Variants in MAP2 observed in about 807,000 individuals in gnomAD.
The protein encoded by MAP2 is microtubule associated protein 2, also known as microtubule-associated protein 2.
A neutral mutation model predicts 137.6 loss-of-function variants in MAP2; 14 were observed. The observed-to-expected ratio is 0.10, with a 90% CI of 0.07 to 0.16. MAP2 has a LOEUF of 0.16. Among genes scored for constraint, MAP2 ranks in the 10% least tolerant of loss-of-function variants. The pLI is 1.00. For missense variants in MAP2, 2,088 were observed against 2,191.5 expected (o/e 0.95, Z 0.94); for synonymous variants, 786 against 782.3 (o/e 1.00, Z -0.08).
chr2:209,675,343 T>C (rs1028020145), intron 5 of MAP2, among the ~76,000 whole-genome samples: 8 of 151,884 alleles, frequency 5.3e-5, no homozygotes, highest in Non-Finnish European at 1.0e-4. Context: ...ATTCATTTTC[T>C]CTGAAACAAC....
At chr2:209,670,705 A>G (rs776856481) in intron 5 of MAP2, among the ~76,000 whole-genome samples, 3 of 151,950 alleles carry the variant, frequency 2.0e-5, no homozygotes, top group East Asian at 1.9e-4. Flanking sequence ...GAATTCTCCT[A>G]TGATTATACA....
At chr2:209,572,856 A>G (rs2074629307) in intron 2 of MAP2, among the ~76,000 whole-genome samples, 1 of 152,212 alleles carries the variant, frequency 6.6e-6, no homozygotes, top group Non-Finnish European at 1.5e-5. Context: ...AGTGATTTAC[A>G]TATATTTATC....
intron 12 of MAP2, among the ~76,000 whole-genome samples, chr2:209,705,958 ATAAAGTTAT>A (rs1362754445): frequency 6.6e-6 from 1 of 152,184 alleles, no homozygotes; most frequent in Non-Finnish European, 1.5e-5. Context: ...TAAGACTGAT[ATAAAGTTAT>A]TTCTCTAAGA....
Position 209,572,238 on chromosome 2 carries a change from G to A in MAP2, c.-171-7798G>A, listed in dbSNP as rs1258283632. Among the ~76,000 whole-genome samples the A allele has an allele frequency of 3.3e-5, 5 of 151,984 alleles. No individual in the cohort carries two copies. The East Asian group carries it at 7.7e-4, about 23-fold the overall frequency. The stretch of plus-strand genomic sequence containing the variant: ...TCTTACTCTTCACCCTACTTGGTTG[G>A]AATAAATTCATCCTTCTCATTGCAG... On this transcript the variant is annotated intron_variant, in intron 2 of 15. Coordinates refer to ENST00000682079, the MANE Select transcript of MAP2 (RefSeq NM_001375505.1).
intron 1 of MAP2, among the ~76,000 whole-genome samples, chr2:209,453,391 G>T (rs1700744479): frequency 6.6e-6 from 1 of 152,072 alleles, no homozygotes; most frequent in South Asian, 2.1e-4. Flanking sequence ...GTGTTAAAAA[G>T]AAAGTTTTTT....
At chr2:209,537,942 A>G (rs562859512) in intron 2 of MAP2, among the ~76,000 whole-genome samples, 1 of 152,320 alleles carries the variant, frequency 6.6e-6, no homozygotes, top group African/African-American at 2.4e-5. Flanking sequence ...ACCAAATACA[A>G]TGCATGTGAC....
chr2:209,460,407 C>G (rs1480931366), intron 1 of MAP2, among the ~76,000 whole-genome samples: 2 of 152,154 alleles, frequency 1.3e-5, no homozygotes, highest in Non-Finnish European at 2.9e-5. Flanking sequence ...AAGGTAGACA[C>G]TGGCCCTAGA....
At chr2:209,617,370 C>T (rs965662669) in intron 3 of MAP2, among the ~76,000 whole-genome samples, 34 of 152,228 alleles carry the variant, frequency 2.2e-4, no homozygotes, top group African/African-American at 7.9e-4. Flanking sequence ...CTTGCCAAAC[C>T]TACCTAATCA....
intron 1 of MAP2, among the ~76,000 whole-genome samples, chr2:209,488,847 G>A (rs1199611057): frequency 6.6e-6 from 1 of 152,170 alleles, no homozygotes; most frequent in East Asian, 1.9e-4. Flanking sequence ...GGAAAGGGGG[G>A]GATGTGGGTA....
At chr2:209,586,017 C>A (rs1369859923) in intron 3 of MAP2, among the ~76,000 whole-genome samples, 1 of 152,000 alleles carries the variant, frequency 6.6e-6, no homozygotes, top group Non-Finnish European at 1.5e-5. Flanking sequence ...GTTTTTTAGG[C>A]CTAGTTTTAA....
chr2:209,563,022 C>G (rs1449631623), intron 2 of MAP2, among the ~76,000 whole-genome samples: 1 of 152,132 alleles, frequency 6.6e-6, no homozygotes, highest in Non-Finnish European at 1.5e-5. Context: ...ATGCACATTA[C>G]TTATGTGAAT....
At chr2:209,707,669 A>C (rs2063893974) in intron 12 of MAP2, among the ~76,000 whole-genome samples, 1 of 152,220 alleles carries the variant, frequency 6.6e-6, no homozygotes, top group African/African-American at 2.4e-5. Flanking sequence ...TTCAGAACAA[A>C]TAAGAAACAT....
At chr2:209,692,279 A>G (rs1443712948) in intron 7 of MAP2, among the ~76,000 whole-genome samples, 6 of 151,630 alleles carry the variant, frequency 4.0e-5, no homozygotes, top group Non-Finnish European at 8.8e-5. Context: ...TTTTATGTAT[A>G]GAAGGCACAT....
intron 4 of MAP2, among the ~76,000 whole-genome samples, chr2:209,646,563 C>T (rs1689202566): frequency 6.6e-6 from 1 of 152,108 alleles, no homozygotes; most frequent in African/African-American, 2.4e-5. Flanking sequence ...GTTGATGTTC[C>T]AGTCAATACT....
chr2:209,569,570 G>A (rs920081975), intron 2 of MAP2, among the ~76,000 whole-genome samples: 1 of 151,846 alleles, frequency 6.6e-6, no homozygotes, highest in Non-Finnish European at 1.5e-5. Context: ...ATTACAGATT[G>A]CAGTATTGAA....
chr2:209,622,781 G>A lies in MAP2; in HGVS notation c.-106-2272G>A, dbSNP rs1169463656. ...GCTCTTTAAAAATAAATCCCTGAGA[G>A]TATGTATCTCTTTCTCATAAAGTCT... On this transcript the variant is annotated intron_variant, in intron 3 of 15. Coordinates refer to ENST00000682079, the MANE Select transcript of MAP2 (RefSeq NM_001375505.1). 5.9e-5 allele frequency among the ~76,000 whole-genome samples: 9 copies of A among 151,916 alleles called. No homozygotes were observed. In the East Asian group the frequency reaches 9.6e-4, roughly 16 times the overall value.
chr2:209,475,017 C>T (rs1651971794), intron 1 of MAP2, among the ~76,000 whole-genome samples: 1 of 151,796 alleles, frequency 6.6e-6, no homozygotes. Flanking sequence ...CATTTTTTTC[C>T]TACCTAATAA....
intron 1 of MAP2, among the ~76,000 whole-genome samples, chr2:209,443,690 A>C (rs1384981279): frequency 2.6e-5 from 4 of 151,614 alleles, no homozygotes; most frequent in Non-Finnish European, 4.4e-5. Flanking sequence ...GTTTTGTGAG[A>C]GTTAACTGAT....
At chr2:209,567,654 A>G (rs1368337387) in intron 2 of MAP2, among the ~76,000 whole-genome samples, 2 of 152,030 alleles carry the variant, frequency 1.3e-5, no homozygotes, top group African/African-American at 4.8e-5. Flanking sequence ...CTTCAATTAT[A>G]TGTTTGCTAT....
Sources: gnomAD v4.1 joint callset for allele counts (sites outside exome capture counted in the v4.1 genomes callset) on GRCh38, gnomAD v4.1.1 for gene constraint, MANE v1.5 for transcripts, NCBI Gene and HGNC (gene_info 2026-07-23, HGNC 2026-07-21) for gene names.